Variants in KCNT2 observed in about 807,000 individuals in gnomAD.
The protein encoded by KCNT2 is potassium channel subfamily T member 2.
KCNT2 carries 67 observed loss-of-function variants against 153.8 expected under a neutral mutation model. The observed-to-expected ratio is 0.44, with a 90% CI of 0.36 to 0.53. The LOEUF is 0.53. Among genes scored for constraint, KCNT2 ranks in the 20% least tolerant of loss-of-function variants. The pLI is 0.00. For missense variants in KCNT2, 975 were observed against 1,354.8 expected (o/e 0.72, Z 4.40); for synonymous variants, 500 against 458.8 (o/e 1.09, Z -1.15).
chr1:196,594,243 T>G (rs1558117960), intron 1 of KCNT2, among the ~76,000 whole-genome samples: 1 of 152,158 alleles, frequency 6.6e-6, no homozygotes, highest in Non-Finnish European at 1.5e-5. Flanking sequence ...ACATTCTGCT[T>G]TGCTATTTCC....
At chr1:196,386,357 G>T (rs1175170223) in intron 13 of KCNT2, among the ~76,000 whole-genome samples, 2 of 152,068 alleles carry the variant, frequency 1.3e-5, no homozygotes, top group Admixed American at 1.3e-4. Context: ...AAAGTTTTGG[G>T]ATAGTTATGC....
At chr1:196,253,225 T>A (rs545559273) in intron 26 of KCNT2, among the ~76,000 whole-genome samples, 1 of 151,510 alleles carries the variant, frequency 6.6e-6, no homozygotes, top group African/African-American at 2.4e-5. Flanking sequence ...ACTAACATTC[T>A]ATGTGTTCTT....
intron 26 of KCNT2, among the ~76,000 whole-genome samples, chr1:196,237,508 T>C (rs1654549627): frequency 6.6e-6 from 1 of 151,710 alleles, no homozygotes; most frequent in South Asian, 2.1e-4. Context: ...TGCCATAGTG[T>C]TAGGGTTGCC....
intron 14 of KCNT2, among the ~76,000 whole-genome samples, chr1:196,369,759 T>C (rs1228938637): frequency 1.3e-5 from 2 of 152,136 alleles, no homozygotes; most frequent in African/African-American, 4.8e-5. Flanking sequence ...AAGTCTTTGC[T>C]ATTGTGAATA....
chr1:196,228,083 T>A lies in KCNT2; in HGVS notation c.*141A>T. 1 of 587,354 alleles carries A rather than the reference T, an allele frequency of 1.7e-6. No individual in the cohort carries two copies. 36.4% of individuals were successfully genotyped at this position (587,354 alleles called of 1,614,324 possible). ...AGTAGTACATTAAGTTTCAAAATGA[T>A]CTATACTTCTAAGAGAAGAGATTAC... On this transcript the variant is annotated 3_prime_UTR_variant, in exon 28 of 28. Transcript: ENST00000294725.
intron 22 of KCNT2, among the ~76,000 whole-genome samples, chr1:196,288,684 G>T (rs1206114581): frequency 6.6e-6 from 1 of 152,048 alleles, no homozygotes; most frequent in Non-Finnish European, 1.5e-5. Context: ...ATTGAATTTG[G>T]TACTAAAGTA....
chr1:196,320,642 TC>T (rs1461611553), intron 19 of KCNT2, among the ~76,000 whole-genome samples: 4 of 151,418 alleles, frequency 2.6e-5, no homozygotes, highest in Non-Finnish European at 5.9e-5. Context: ...CTTATTTCTC[TC>T]CTGTTGGTCA....
chr1:196,476,846 C>T (rs1297713952), intron 5 of KCNT2, among the ~76,000 whole-genome samples: 1 of 152,094 alleles, frequency 6.6e-6, no homozygotes, highest in African/African-American at 2.4e-5. Context: ...TAAGCACCTG[C>T]CCCAGTCAAA....
chr1:196,399,264 C>T (rs1181113491), intron 12 of KCNT2, among the ~76,000 whole-genome samples: 1 of 151,410 alleles, frequency 6.6e-6, no homozygotes, highest in African/African-American at 2.4e-5. Context: ...AGTAGTCACC[C>T]CATAAATTCA....
intron 6 of KCNT2, among the ~76,000 whole-genome samples, chr1:196,468,489 G>A (rs1677803558): frequency 6.6e-6 from 1 of 152,070 alleles, no homozygotes; most frequent in African/African-American, 2.4e-5. Context: ...TAGTTGAATA[G>A]GATCATCATG....
intron 1 of KCNT2, among the ~76,000 whole-genome samples, chr1:196,522,078 T>C (rs1053011662): frequency 2.6e-5 from 4 of 152,160 alleles, no homozygotes; most frequent in African/African-American, 9.7e-5. Flanking sequence ...CACCACAGAA[T>C]ATAATAATCA....
intron 3 of KCNT2, among the ~76,000 whole-genome samples, chr1:196,488,261 A>G (rs1679588412): frequency 6.6e-6 from 1 of 151,976 alleles, no homozygotes; most frequent in South Asian, 2.1e-4. Context: ...TAGCCTCATT[A>G]TTTTAAAATA....
At chr1:196,369,650 T>C (rs1668349578) in intron 14 of KCNT2, among the ~76,000 whole-genome samples, 1 of 152,182 alleles carries the variant, frequency 6.6e-6, no homozygotes, top group African/African-American at 2.4e-5. Context: ...ACAAAGGACA[T>C]GAACTCATCC....
At chr1:196,289,011 CA>C (rs1222290629) in intron 22 of KCNT2, among the ~76,000 whole-genome samples, 1 of 152,070 alleles carries the variant, frequency 6.6e-6, no homozygotes, top group Non-Finnish European at 1.5e-5. Context: ...TTCATATTGA[CA>C]TCTACATCCC....
chr1:196,333,806 C>G (rs368900770), intron 17 of KCNT2, 41 bp downstream of exon 17: 29 of 1,268,106 alleles, frequency 2.3e-5, no homozygotes, highest in Non-Finnish European at 3.0e-5. Context: ...GACATTAGCA[C>G]AAAACCCAGT....
At chr1:196,529,887 C>A (rs1330330455) in intron 1 of KCNT2, among the ~76,000 whole-genome samples, 1 of 151,966 alleles carries the variant, frequency 6.6e-6, no homozygotes, top group African/African-American at 2.4e-5. Flanking sequence ...GAAAATATAA[C>A]CTATGATCTT....
intron 26 of KCNT2, among the ~76,000 whole-genome samples, chr1:196,236,922 T>A (rs1022877473): frequency 2.6e-5 from 4 of 151,424 alleles, no homozygotes; most frequent in African/African-American, 9.7e-5. Flanking sequence ...ACATAATTCC[T>A]CCCATGGGTA....
intron 7 of KCNT2, among the ~76,000 whole-genome samples, chr1:196,465,825 CCAGA>C (rs1677564679): frequency 1.3e-5 from 2 of 151,396 alleles, no homozygotes; most frequent in South Asian, 4.2e-4. Context: ...ATCAATTAGC[CCAGA>C]CAGTTTATTT....
chr1:196,494,983 T>TC (rs1365089645), intron 1 of KCNT2, among the ~76,000 whole-genome samples: 1 of 151,770 alleles, frequency 6.6e-6, no homozygotes, highest in East Asian at 1.9e-4. Context: ...CTTTTTTTTT[T>TC]TTCCTGAGAG....
Sources: allele counts gnomAD v4.1 joint callset (sites outside exome capture counted in the v4.1 genomes callset), GRCh38; gene constraint gnomAD v4.1.1; transcripts MANE v1.5; gene names NCBI Gene and HGNC (gene_info 2026-07-23, HGNC 2026-07-21).